Variants in CRTAC1 observed in about 807,000 individuals in gnomAD.
The protein encoded by CRTAC1 is cartilage acidic protein 1.
In CRTAC1, 37 loss-of-function variants were observed where a neutral mutation model predicts 67.8. That is an observed-to-expected ratio of 0.55 (90% CI 0.42 to 0.72). The LOEUF (loss-of-function observed/expected upper bound fraction) is 0.72. Ranked by LOEUF, CRTAC1 falls within the 30% of genes least tolerant of loss-of-function variation. The pLI is 0.00. For synonymous variants in CRTAC1, 348 were observed against 371.0 expected, an observed-to-expected ratio of 0.94 and a Z score of 0.71; for missense variants, 780 against 931.6, an observed-to-expected ratio of 0.84 and a Z score of 2.12.
At chr10:97,883,622 C>G (rs2050243985) in intron 12 of CRTAC1, among the ~76,000 whole-genome samples, 1 of 152,232 alleles carries the variant, frequency 6.6e-6, no homozygotes, top group South Asian at 2.1e-4. Context: ...TCTACTCATC[C>G]TGAGCTTCCC....
At chr10:97,997,451 CAAAAAAAAAAAAAA>C (rs746635057) in intron 2 of CRTAC1, among the ~76,000 whole-genome samples, 1 of 48,234 alleles carries the variant, frequency 2.1e-5, no homozygotes, top group African/African-American at 7.7e-5. Context: ...GACTCTGTCT[CAAAAAAAAAAAAAA>C]AAAAAAAAAA....
chr10:97,957,910 T>C (rs1346475420), intron 2 of CRTAC1, among the ~76,000 whole-genome samples: 4 of 152,104 alleles, frequency 2.6e-5, no homozygotes, highest in Non-Finnish European at 4.4e-5. Flanking sequence ...TCATAACCTA[T>C]GTGACATGGC....
chr10:97,912,819 G>A (rs1476285996), intron 5 of CRTAC1, among the ~76,000 whole-genome samples: 1 of 152,192 alleles, frequency 6.6e-6, no homozygotes, highest in Non-Finnish European at 1.5e-5. Context: ...AAGTGGGTGG[G>A]AATTGAGAAG....
intron 5 of CRTAC1, among the ~76,000 whole-genome samples, chr10:97,912,132 G>A (rs115055206): frequency 0.023 from 3,540 of 152,230 alleles, 128 homozygotes; most frequent in African/African-American, 0.078. Flanking sequence ...GCTCCTTCTC[G>A]GGGCTGTCAT....
intron 5 of CRTAC1, among the ~76,000 whole-genome samples, chr10:97,915,109 T>C (rs929105477): frequency 6.6e-6 from 1 of 152,208 alleles, no homozygotes; most frequent in Non-Finnish European, 1.5e-5. Flanking sequence ...AGGCAGCTGC[T>C]TCAGCCACAA....
At chr10:97,898,665 T>C (rs1307009285) in intron 8 of CRTAC1, among the ~76,000 whole-genome samples, 1 of 152,052 alleles carries the variant, frequency 6.6e-6, no homozygotes, top group Non-Finnish European at 1.5e-5. Context: ...GAAAGGGGTG[T>C]GGCCAGACTT....
chr10:97,943,419 A>ACTCATGGG (rs1446373266), intron 2 of CRTAC1, among the ~76,000 whole-genome samples: 2 of 152,268 alleles, frequency 1.3e-5, no homozygotes, highest in African/African-American at 2.4e-5. Flanking sequence ...GAAGTCATGG[A>ACTCATGGG]CACATCAACA....
At chr10:97,903,192 C>T (rs2050565478) in intron 7 of CRTAC1, among the ~76,000 whole-genome samples, 1 of 148,612 alleles carries the variant, frequency 6.7e-6, no homozygotes, top group Non-Finnish European at 1.5e-5. Flanking sequence ...AGTGCGTTGG[C>T]GTTTGGGACT....
intron 1 of CRTAC1, among the ~76,000 whole-genome samples, chr10:98,015,446 T>C (rs1216912778): frequency 6.6e-6 from 1 of 152,184 alleles, no homozygotes; most frequent in African/African-American, 2.4e-5. Flanking sequence ...TGTACAACAA[T>C]GTTAACGTAC....
At chr10:97,889,780 G>A (rs565343252) in intron 11 of CRTAC1, among the ~76,000 whole-genome samples, 1 of 152,294 alleles carries the variant, frequency 6.6e-6, no homozygotes, top group African/African-American at 2.4e-5. Flanking sequence ...CATGGAGGCA[G>A]GAAGGGGGCA....
intron 6 of CRTAC1, among the ~76,000 whole-genome samples, chr10:97,906,241 A>G (rs1215062203): frequency 1.3e-5 from 2 of 152,100 alleles, no homozygotes; most frequent in Non-Finnish European, 2.9e-5. Context: ...GCAGCCTCCA[A>G]TCCCTAGGAT....
chr10:97,978,452 C>A (rs188018166), intron 2 of CRTAC1, among the ~76,000 whole-genome samples: 1 of 152,094 alleles, frequency 6.6e-6, no homozygotes, highest in African/African-American at 2.4e-5. Flanking sequence ...TCCAATGAGA[C>A]GACAGATGTA....
chr10:98,005,233 T>C (rs1842768445), intron 2 of CRTAC1, among the ~76,000 whole-genome samples: 1 of 149,088 alleles, frequency 6.7e-6, no homozygotes, highest in African/African-American at 2.5e-5. Context: ...GGCTCCCAAG[T>C]AGATGGGATT....
intron 11 of CRTAC1, among the ~76,000 whole-genome samples, chr10:97,890,813 A>T (rs1473695625): frequency 1.3e-5 from 2 of 151,162 alleles, no homozygotes; most frequent in African/African-American, 4.9e-5. Flanking sequence ...GATTACAGGC[A>T]TGCACCACCA....
chr10:97,913,300 C>A (rs546405554), intron 5 of CRTAC1, among the ~76,000 whole-genome samples: 11 of 152,146 alleles, frequency 7.2e-5, no homozygotes, highest in Non-Finnish European at 1.5e-4. Context: ...AGAGCCTGGG[C>A]AGGACTTGAC....
At chr10:98,019,205 G>T (rs2136703383) in intron 1 of CRTAC1, among the ~76,000 whole-genome samples, 1 of 152,270 alleles carries the variant, frequency 6.6e-6, no homozygotes, top group Admixed American at 6.5e-5. Flanking sequence ...AGCCGACTTT[G>T]CAAAGGTCAG....
intron 3 of CRTAC1, among the ~76,000 whole-genome samples, chr10:97,935,484 T>A (rs1209453496): frequency 1.3e-5 from 2 of 152,122 alleles, no homozygotes; most frequent in Non-Finnish European, 2.9e-5. Context: ...GGGTCAGAAG[T>A]GCAGGGTCTT....
Position 98,011,119 on chromosome 10 carries a change from G to C in CRTAC1, c.224+19C>G, listed in dbSNP as rs1289551046. Reference sequence around the variant, plus strand: ...AAATCTGATTAATATCTGTCACACTGAGGGTGGGAGGCACTTACCCCGCCA... The same window carrying C: ...AAATCTGATTAATATCTGTCACACTCAGGGTGGGAGGCACTTACCCCGCCA... On this transcript the variant is annotated intron_variant, in intron 2 of 14. Coordinates refer to ENST00000370597, the MANE Select transcript of CRTAC1 (RefSeq NM_018058.7). 6.2e-7 allele frequency: 1 copy of C among 1,608,234 alleles called. No homozygotes were observed. The highest frequency in any genetic ancestry group is 1.3e-5 in the African/African-American group (1 of 74,774).
chr10:97,908,160 T>G lies in CRTAC1; in HGVS notation c.716-13A>C. On this transcript the variant is annotated splice_polypyrimidine_tract_variant and intron_variant, in intron 5 of 14. Transcript: ENST00000370597. Reference sequence around the variant, plus strand: ...ACGCCTCGGCCCCCTAGAAAAGACATCGACCCACAGTGAGTGGCAGAAGCA... The same window carrying G: ...ACGCCTCGGCCCCCTAGAAAAGACAGCGACCCACAGTGAGTGGCAGAAGCA... The G allele has an allele frequency of 6.2e-7, 1 of 1,613,664 alleles. No individual in the cohort carries two copies. Among genetic ancestry groups the G allele is most frequent in the Non-Finnish European group, 8.5e-7 (1 of 1,179,820 alleles).
Sources: gnomAD v4.1 joint callset for allele counts (sites outside exome capture counted in the v4.1 genomes callset) on GRCh38, gnomAD v4.1.1 for gene constraint, MANE v1.5 for transcripts, NCBI Gene and HGNC (gene_info 2026-07-23, HGNC 2026-07-21) for gene names.